The following JAKMIP3 variants were observed in gnomAD, a reference collection of about 807,000 sequenced individuals.
JAKMIP3 encodes janus kinase and microtubule-interacting protein 3.
Under a neutral mutation model 118.5 loss-of-function variants are expected in JAKMIP3, and 58 were observed. That is an observed-to-expected ratio of 0.49 (90% confidence interval 0.40 to 0.61). The LOEUF (loss-of-function observed/expected upper bound fraction) is 0.61, where lower values mean the gene tolerates loss of function less well. Among genes scored for constraint, JAKMIP3 ranks in the 20% least tolerant of loss-of-function variants. JAKMIP3 has a pLI of 0.00. For synonymous variants in JAKMIP3, 486 were observed against 451.2 expected (o/e 1.08, Z -0.98); for missense variants, 950 against 1,109.0 (o/e 0.86, Z 2.04).
Position 132,145,185 on chromosome 10 carries a change from G to A in JAKMIP3, c.1681G>A (p.Gly561Arg). Residue 561 changes from glycine to arginine, a missense_variant, in exon 12 of 24, where the codon GGG becomes AGG. Transcript: ENST00000684848. The part of the protein sequence containing the change: ...EDLEKALAEQ[G>R]QDMKWIEEKQ... ...CCTGGAGAAGGCCCTGGCGGAGCAG[G>A]GGCAGGTGAGCCTGCAGCCATCTGC... The A allele has an allele frequency of 6.2e-7, 1 of 1,608,180 alleles. No homozygotes were observed. Among genetic ancestry groups the A allele is most frequent in the Non-Finnish European group, 8.5e-7 (1 of 1,178,046 alleles).
In JAKMIP3 at chr10:132,118,014, C is replaced by T. The variant is rs1044205138; in HGVS notation, c.633+440C>T. Among the ~76,000 whole-genome samples the T allele has an allele frequency of 9.2e-5, 14 of 152,120 alleles. No individual in the cohort carries two copies. The highest frequency in any genetic ancestry group is 2.6e-4 in the Admixed American group (4 of 15,282). ...GCAGCAGGAGTCCCACACATCCTCA[C>T]GGGGGGACTCAGAGGGAATTCTCCA... is the stretch of plus-strand genomic sequence containing the variant. On this transcript the variant is annotated intron_variant, in intron 3 of 23. Coordinates refer to ENST00000684848, the MANE Select transcript of JAKMIP3 (RefSeq NM_001323087.2). The surrounding 1 kb of genome is among the most constrained non-coding windows in gnomAD (Gnocchi z 4.8).
chr10:132,064,978 G>A (rs555775533), upstream of JAKMIP3, among the ~76,000 whole-genome samples: 10 of 152,270 alleles, frequency 6.6e-5, no homozygotes, highest in Admixed American at 6.5e-5. The surrounding 1 kb of genome is among the most constrained non-coding windows in gnomAD (Gnocchi z 4.4). Context: ...GAGGCAGAGC[G>A]GGCTGGGAGC....
chr10:132,124,279 G>T (rs1477361152), intron 3 of JAKMIP3, among the ~76,000 whole-genome samples: 1 of 151,836 alleles, frequency 6.6e-6, no homozygotes, highest in Admixed American at 6.6e-5. Context: ...ATTGCCACGC[G>T]GTCGCCCGTC....
chr10:132,133,674 C>A, intron 4 of JAKMIP3, 147 bp downstream of exon 4: 1 of 706,314 alleles, frequency 1.4e-6, no homozygotes. Context: ...CCCCACCCAG[C>A]CTGGCCCTAG....
At chr10:132,154,058 T>C in intron 19 of JAKMIP3, 68 bp downstream of exon 19, 1 of 1,402,060 alleles carries the variant, frequency 7.1e-7, no homozygotes, top group Non-Finnish European at 1.0e-6. Flanking sequence ...GTGGCTCAGG[T>C]GCCCAGCAGT....
chr10:132,056,359 T>C (rs2038236283), intron 1 of JAKMIP3, among the ~76,000 whole-genome samples: 1 of 152,204 alleles, frequency 6.6e-6, no homozygotes. Context: ...GCTGTGAGCA[T>C]GTCCTCTGCC....
intron 16 of JAKMIP3, among the ~76,000 whole-genome samples, chr10:132,152,572 A>G (rs1564970524): frequency 6.6e-6 from 1 of 152,212 alleles, no homozygotes; most frequent in African/African-American, 2.4e-5. Flanking sequence ...TTTAATAACC[A>G]CAGGTGCATA....
intron 11 of JAKMIP3, among the ~76,000 whole-genome samples, chr10:132,143,290 G>C (rs369017809): frequency 6.6e-6 from 1 of 152,270 alleles, no homozygotes; most frequent in South Asian, 2.1e-4. Context: ...TCAAGGCCTC[G>C]GTTCAGAGCA....
chr10:132,138,014 C>T (rs1198800913), intron 8 of JAKMIP3, 105 bp from the exon 9 acceptor site: 22 of 1,091,770 alleles, frequency 2.0e-5, no homozygotes, highest in South Asian at 7.1e-5. Flanking sequence ...GCCCAGACAC[C>T]GTCTTCCCTG....
intron 4 of JAKMIP3, among the ~76,000 whole-genome samples, chr10:132,134,141 G>A (rs1025626301): frequency 1.3e-5 from 2 of 152,204 alleles, no homozygotes; most frequent in African/African-American, 2.4e-5. Context: ...ATCCTCTGTC[G>A]TGGTTCTGGG....
chr10:132,146,542 C>T (rs1157737650), intron 13 of JAKMIP3, among the ~76,000 whole-genome samples: 1 of 152,130 alleles, frequency 6.6e-6, no homozygotes, highest in Non-Finnish European at 1.5e-5. Flanking sequence ...GTGACCCCCA[C>T]CCCACTTGTC....
chr10:132,159,594 G>GTC (rs1291708867), intron 19 of JAKMIP3, among the ~76,000 whole-genome samples: 45 of 104,214 alleles, frequency 4.3e-4, no homozygotes, highest in Non-Finnish European at 6.5e-4. Context: ...GATGCTGGGG[G>GTC]CATGTCTTCC....
At chr10:132,177,313 A>G (rs926310524) in intron 23 of JAKMIP3, among the ~76,000 whole-genome samples, 3 of 152,272 alleles carry the variant, frequency 2.0e-5, no homozygotes, top group African/African-American at 7.2e-5. Flanking sequence ...TGCCGCCACC[A>G]GATACAAAAT....
chr10:132,077,147 G>A lies in JAKMIP3; in HGVS notation c.-138+11086G>A, dbSNP rs890871461. 3.3e-5 allele frequency among the ~76,000 whole-genome samples: 5 copies of A among 152,308 alleles called. No homozygotes were observed. The East Asian group carries it at 5.8e-4, about 18-fold the overall frequency. ...CCCACACGGCTTCCTCTCCTTGCTC[G>A]TGAGCAAAAGGGTTTTGCTTCCACG... On this transcript the variant is annotated intron_variant, in intron 1 of 23. Coordinates refer to ENST00000684848, the MANE Select transcript of JAKMIP3 (RefSeq NM_001323087.2).
intron 19 of JAKMIP3, among the ~76,000 whole-genome samples, chr10:132,156,273 C>T (rs939275017): frequency 6.6e-6 from 1 of 152,226 alleles, no homozygotes; most frequent in Admixed American, 6.5e-5. Flanking sequence ...CCTCGTACCC[C>T]CTTATCCTCC....
At chr10:132,150,066 A>G (rs1481125989) in intron 16 of JAKMIP3, 25 bp downstream of exon 16, 6 of 1,577,888 alleles carry the variant, frequency 3.8e-6, no homozygotes, top group Admixed American at 1.8e-5. Context: ...TGGCTTGTGC[A>G]TGCCTCTTAC....
intron 23 of JAKMIP3, among the ~76,000 whole-genome samples, chr10:132,180,628 T>TGTGTGTGC (rs2060908218): frequency 6.1e-5 from 2 of 32,724 alleles, no homozygotes; most frequent in African/African-American, 1.6e-4. Flanking sequence ...TGTGTGTGCG[T>TGTGTGTGC]GTGTGCGTGC....
intron 1 of JAKMIP3, among the ~76,000 whole-genome samples, chr10:132,045,533 C>A (rs1380494881): frequency 6.6e-6 from 1 of 152,062 alleles, no homozygotes; most frequent in Admixed American, 6.5e-5. Context: ...AAGGAGAGCC[C>A]GCGGTGTGAG....
At chr10:132,063,849 C>G (rs1471545035), upstream of JAKMIP3, among the ~76,000 whole-genome samples, 1 of 152,212 alleles carries the variant, frequency 6.6e-6, no homozygotes, top group Non-Finnish European at 1.5e-5. Flanking sequence ...ATCCTATCAC[C>G]TGGAGCTATG....
Sources: gnomAD v4.1 joint callset for allele counts (sites outside exome capture counted in the v4.1 genomes callset) on GRCh38, gnomAD v4.1.1 for gene constraint, Gnocchi (gnomAD v3.1) non-coding constraint, MANE v1.5 for transcripts, NCBI Gene and HGNC (gene_info 2026-07-23, HGNC 2026-07-21) for gene names.